LRMDA: variants seen among roughly 807,000 people sequenced by gnomAD.
LRMDA encodes the protein leucine rich melanocyte differentiation associated, also known as leucine-rich melanocyte differentiation-associated protein.
Under a neutral mutation model 29.8 loss-of-function variants are expected in LRMDA, and 18 were observed. The observed-to-expected ratio is 0.60, with a 90% confidence interval of 0.42 to 0.90. The LOEUF is 0.90. Ranked by LOEUF, LRMDA falls within the 40% of genes least tolerant of loss-of-function variation. The pLI is 0.00. For synonymous variants in LRMDA, 125 were observed against 109.4 expected (o/e 1.14, Z -0.89); for missense variants, 273 against 273.9 (o/e 1.00, Z 0.02).
At chr10:75,812,667 T>A (rs940452145) in intron 2 of LRMDA, among the ~76,000 whole-genome samples, 1 of 152,234 alleles carries the variant, frequency 6.6e-6, no homozygotes, top group Non-Finnish European at 1.5e-5. Context: ...ACAGAGCTTC[T>A]AGAATCCATA....
At chr10:76,286,700 C>T (rs1840275898) in intron 5 of LRMDA, among the ~76,000 whole-genome samples, 1 of 152,150 alleles carries the variant, frequency 6.6e-6, no homozygotes, top group South Asian at 2.1e-4. Context: ...GGCAATTTCT[C>T]CCTAAAGTTT....
chr10:76,436,985 G>A lies in LRMDA; in HGVS notation c.601+112500G>A, dbSNP rs150537502. ...CTCAAACAGGACTTCTCTGGTTTGT[G>A]AACACATTTTCTCCTCTTGGTGTGC... is the stretch of plus-strand genomic sequence containing the variant. On this transcript the variant is annotated intron_variant, in intron 6 of 6. Transcript: ENST00000611255. Among the ~76,000 whole-genome samples, 189 of 152,216 alleles carry A rather than the reference G, an allele frequency of 1.2e-3. 1 individual carries two copies. The highest frequency in any genetic ancestry group is 4.2e-3 in the African/African-American group (176 of 41,532).
chr10:76,131,853 CA>C (rs2132137174), intron 5 of LRMDA, among the ~76,000 whole-genome samples: 1 of 152,314 alleles, frequency 6.6e-6, no homozygotes, highest in South Asian at 2.1e-4. Flanking sequence ...ATCTATACGA[CA>C]AACAGCTATA....
intron 2 of LRMDA, among the ~76,000 whole-genome samples, chr10:75,880,398 T>C (rs1465542717): frequency 6.6e-6 from 1 of 152,232 alleles, no homozygotes; most frequent in Admixed American, 6.5e-5. Context: ...AATTAAAATT[T>C]TCACGCTAAC....
intron 2 of LRMDA, among the ~76,000 whole-genome samples, chr10:75,632,017 A>G (rs1187776343): frequency 6.6e-6 from 1 of 152,076 alleles, no homozygotes; most frequent in Non-Finnish European, 1.5e-5. Flanking sequence ...TCCTTTCCCT[A>G]TTATTTTGTT....
chr10:75,436,948 GC>G (rs1463346765), intron 1 of LRMDA, among the ~76,000 whole-genome samples: 6 of 152,198 alleles, frequency 3.9e-5, no homozygotes, highest in African/African-American at 1.4e-4. Flanking sequence ...AGGAGAGATT[GC>G]TAGATTGAAC....
intron 2 of LRMDA, among the ~76,000 whole-genome samples, chr10:75,898,873 G>T (rs1845627060): frequency 6.6e-6 from 1 of 152,170 alleles, no homozygotes; most frequent in South Asian, 2.1e-4. Context: ...TAAACTTTAA[G>T]TGAAAGTTTT....
chr10:76,199,896 C>T (rs1437660257), intron 5 of LRMDA, among the ~76,000 whole-genome samples: 1 of 152,156 alleles, frequency 6.6e-6, no homozygotes, highest in Non-Finnish European at 1.5e-5. Flanking sequence ...TCTGATTTTA[C>T]AATATCAGTA....
intron 2 of LRMDA, among the ~76,000 whole-genome samples, chr10:75,812,312 A>C (rs1843978340): frequency 6.6e-6 from 1 of 152,042 alleles, no homozygotes; most frequent in Non-Finnish European, 1.5e-5. Context: ...AAAAACTGTC[A>C]AGCCCGTCAA....
At chr10:75,564,150 G>C (rs191515937) in intron 2 of LRMDA, among the ~76,000 whole-genome samples, 1 of 152,236 alleles carries the variant, frequency 6.6e-6, no homozygotes, top group African/African-American at 2.4e-5. Flanking sequence ...AGCCTACAGA[G>C]GCAGGCAGGT....
At chr10:75,980,520 G>A (rs1458833844) in intron 2 of LRMDA, among the ~76,000 whole-genome samples, 2 of 152,126 alleles carry the variant, frequency 1.3e-5, no homozygotes, top group Non-Finnish European at 2.9e-5. Flanking sequence ...TTTTTGGCAG[G>A]GGGGCTATAA....
chr10:76,442,480 C>T (rs941129419), intron 6 of LRMDA, among the ~76,000 whole-genome samples: 9 of 152,140 alleles, frequency 5.9e-5, no homozygotes, highest in South Asian at 2.1e-4. Context: ...TGCTTGAGCC[C>T]AGGAGTTCGA....
chr10:76,230,514 A>G (rs1487193872), intron 5 of LRMDA, among the ~76,000 whole-genome samples: 2 of 151,884 alleles, frequency 1.3e-5, no homozygotes, highest in African/African-American at 2.4e-5. Context: ...AATATCAATT[A>G]AAACAACTAG....
chr10:76,273,096 CACTT>C (rs2132323736), intron 5 of LRMDA, among the ~76,000 whole-genome samples: 1 of 152,246 alleles, frequency 6.6e-6, no homozygotes, highest in South Asian at 2.1e-4. Context: ...AGCATCCTCT[CACTT>C]AGGGCAAAAT....
intron 2 of LRMDA, among the ~76,000 whole-genome samples, chr10:75,838,040 A>C (rs936173994): frequency 7.9e-5 from 12 of 152,288 alleles, no homozygotes; most frequent in Admixed American, 5.9e-4. Context: ...ATATATAAAA[A>C]CCACAATGAC....
intron 5 of LRMDA, among the ~76,000 whole-genome samples, chr10:76,062,967 C>A (rs986055231): frequency 6.6e-6 from 1 of 152,090 alleles, no homozygotes; most frequent in African/African-American, 2.4e-5. Context: ...GTCAGCCCTG[C>A]ACAGCAGAGA....
chr10:75,808,692 T>TAGAGAC (rs1344900600), intron 2 of LRMDA, among the ~76,000 whole-genome samples: 1 of 150,914 alleles, frequency 6.6e-6, no homozygotes, highest in African/African-American at 2.4e-5. Context: ...ATATTTTTGG[T>TAGAGAC]AGAGACAGGG....
At chr10:76,398,267 C>A (rs1841810207) in intron 6 of LRMDA, among the ~76,000 whole-genome samples, 1 of 152,134 alleles carries the variant, frequency 6.6e-6, no homozygotes, top group South Asian at 2.1e-4. Flanking sequence ...ACACTGACGT[C>A]CCCCTCCCCC....
At chr10:76,076,786 A>G (rs1848967429) in intron 5 of LRMDA, among the ~76,000 whole-genome samples, 1 of 152,154 alleles carries the variant, frequency 6.6e-6, no homozygotes, top group South Asian at 2.1e-4. Context: ...TTCCCTCAGG[A>G]AGCACAAAAT....
Sources: gnomAD v4.1 joint callset for allele counts (sites outside exome capture counted in the v4.1 genomes callset) on GRCh38, gnomAD v4.1.1 for gene constraint, MANE v1.5 for transcripts, NCBI Gene and HGNC (gene_info 2026-07-23, HGNC 2026-07-21) for gene names.